Variants in PTPRK observed in about 807,000 individuals in gnomAD.
PTPRK encodes receptor-type tyrosine-protein phosphatase kappa.
A neutral mutation model predicts 178.0 loss-of-function variants in PTPRK; 75 were observed. That is an observed-to-expected ratio of 0.42 (90% CI 0.35 to 0.51). PTPRK has a LOEUF of 0.51. Among genes scored for constraint, PTPRK ranks in the 20% least tolerant of loss-of-function variants. PTPRK has a pLI of 0.02. For synonymous variants in PTPRK, 637 were observed against 620.6 expected, an observed-to-expected ratio of 1.03 and a Z score of -0.39; for missense variants, 1,441 against 1,797.8, an observed-to-expected ratio of 0.80 and a Z score of 3.59.
At chr6:128,226,697 T>G (rs770697212) in intron 5 of PTPRK, among the ~76,000 whole-genome samples, 1 of 149,572 alleles carries the variant, frequency 6.7e-6, no homozygotes, top group Non-Finnish European at 1.5e-5. Flanking sequence ...ACCAATTCCT[T>G]GCAGTAAATC....
At chr6:127,997,278 C>A (rs745330379) in intron 16 of PTPRK, among the ~76,000 whole-genome samples, 2 of 152,030 alleles carry the variant, frequency 1.3e-5, no homozygotes, top group African/African-American at 2.4e-5. Context: ...GTAGAAGTAG[C>A]AAAGTATCAT....
At chr6:128,213,424 G>A (rs1808617804) in intron 6 of PTPRK, among the ~76,000 whole-genome samples, 1 of 151,938 alleles carries the variant, frequency 6.6e-6, no homozygotes, top group African/African-American at 2.4e-5. Flanking sequence ...TAGGGGTTTT[G>A]GGGGGTAAAA....
chr6:128,327,410 A>G (rs888428361), intron 2 of PTPRK, among the ~76,000 whole-genome samples: 3 of 152,168 alleles, frequency 2.0e-5, no homozygotes, highest in Admixed American at 1.3e-4. Flanking sequence ...TTCTTTGCCT[A>G]GTATTCACAA....
intron 13 of PTPRK, among the ~76,000 whole-genome samples, chr6:128,046,324 A>T (rs2114854815): frequency 6.6e-6 from 1 of 152,156 alleles, no homozygotes; most frequent in East Asian, 1.9e-4. Flanking sequence ...GCTCCCTTGC[A>T]GGAGAAAAGA....
chr6:128,387,735 A>C (rs1010391817), intron 2 of PTPRK, among the ~76,000 whole-genome samples: 4 of 152,168 alleles, frequency 2.6e-5, no homozygotes, highest in Non-Finnish European at 5.9e-5. Flanking sequence ...GAAAAATTCT[A>C]GTGAGTAACA....
chr6:128,436,603 T>TA (rs1227895263), intron 1 of PTPRK, among the ~76,000 whole-genome samples: 2 of 152,174 alleles, frequency 1.3e-5, no homozygotes, highest in African/African-American at 4.8e-5. Context: ...GAGTGATTTT[T>TA]TTTTTTATAA....
intron 1 of PTPRK, among the ~76,000 whole-genome samples, chr6:128,428,018 G>A (rs551742711): frequency 4.9e-4 from 75 of 152,136 alleles, no homozygotes; most frequent in Admixed American, 4.6e-3. Context: ...ACTTGAACCC[G>A]GGAGGCGGAG....
chr6:128,197,989 C>T (rs1235468444), intron 6 of PTPRK, among the ~76,000 whole-genome samples: 1 of 152,048 alleles, frequency 6.6e-6, no homozygotes, highest in African/African-American at 2.4e-5. Context: ...GGCATTATCC[C>T]AATTCAAGTG....
At chr6:128,131,978 A>C (rs1029109505) in intron 7 of PTPRK, among the ~76,000 whole-genome samples, 1 of 152,154 alleles carries the variant, frequency 6.6e-6, no homozygotes, top group Non-Finnish European at 1.5e-5. Flanking sequence ...TGATGCACAA[A>C]AACTATGTCT....
In PTPRK at chr6:128,249,417, ATCAAAT is replaced by A. The variant is rs940128011; in HGVS notation, c.496-6821_496-6816del. Among the ~76,000 whole-genome samples, 67 of 152,270 alleles carry A rather than the reference ATCAAAT, an allele frequency of 4.4e-4. 1 individual carries two copies. The highest frequency in any genetic ancestry group is 1.6e-3 in the African/African-American group (65 of 41,562). ...GTATAACAAAAGTTATCACAATGAA[ATCAAAT>A]TTTGATTTCATTTGATGATAAGCAA... On this transcript the variant is annotated intron_variant, in intron 3 of 29. Transcript: ENST00000368226.
intron 2 of PTPRK, among the ~76,000 whole-genome samples, chr6:128,394,613 T>A (rs1234245205): frequency 6.6e-6 from 1 of 152,226 alleles, no homozygotes; most frequent in East Asian, 1.9e-4. Flanking sequence ...AACTGTCTTA[T>A]GAAGTACTCA....
intron 13 of PTPRK, among the ~76,000 whole-genome samples, chr6:128,041,560 T>C (rs1358168951): frequency 6.6e-6 from 1 of 152,018 alleles, no homozygotes; most frequent in Non-Finnish European, 1.5e-5. Flanking sequence ...CATATTACCA[T>C]AATACTGCAA....
At chr6:128,029,742 T>C (rs1774989184) in intron 13 of PTPRK, among the ~76,000 whole-genome samples, 1 of 151,356 alleles carries the variant, frequency 6.6e-6, no homozygotes, top group African/African-American at 2.4e-5. Context: ...ACACACCAAA[T>C]GAAGGCCAAA....
At chr6:128,284,393 T>C (rs1822141610) in intron 3 of PTPRK, among the ~76,000 whole-genome samples, 1 of 152,206 alleles carries the variant, frequency 6.6e-6, no homozygotes, top group African/African-American at 2.4e-5. Flanking sequence ...CCTGGACTAA[T>C]CACATGATAC....
At position 128,184,561 on chromosome 6, in the gene PTPRK, C is replaced by T; in HGVS notation, c.1033G>A (p.Ala345Thr). ...AAATGCCATAATTTGTAAGTTGGAGCATTGACTGCATGGGTTTCTGTCCAG... is the reference window on the plus strand; with the variant it reads ...AAATGCCATAATTTGTAAGTTGGAGTATTGACTGCATGGGTTTCTGTCCAG... ...GSWTETHAVN[A>T]PTYKLWHLDP... The change falls in exon 7 of 30, where the codon GCT (alanine) becomes ACT (threonine). Residue 345 changes from alanine (A) to threonine (T), a missense_variant. Physicochemically the swap from Ala to Thr is moderately conservative, Grantham distance 58. Coordinates refer to ENST00000368226, the MANE Select transcript of PTPRK (RefSeq NM_002844.4). 1 of 1,613,928 alleles carries T rather than the reference C, an allele frequency of 6.2e-7. No individual in the cohort carries two copies. The highest frequency in any genetic ancestry group is 8.5e-7 in the Non-Finnish European group (1 of 1,179,930).
rs563655375 is a variant in PTPRK at position 128,038,814 on chromosome 6, T to C, written c.2194+25944A>G. Among the ~76,000 whole-genome samples, 86 of 152,182 alleles carry C rather than the reference T, an allele frequency of 5.7e-4. 1 individual carries two copies. In the South Asian group the frequency reaches 0.018, roughly 31 times the overall value. ...ACTGCGTTTGTCTCTTCATTCTTCA[T>C]GCAACAATTTTACAACTGTCTCTTC... On this transcript the variant is annotated intron_variant, in intron 13 of 29. Transcript: ENST00000368226.
chr6:128,147,203 T>G (rs1796620477), intron 7 of PTPRK, among the ~76,000 whole-genome samples: 1 of 151,972 alleles, frequency 6.6e-6, no homozygotes, highest in African/African-American at 2.4e-5. Flanking sequence ...GAACAGATAT[T>G]GGAAACATTT....
intron 14 of PTPRK, 85 bp from the exon 15 acceptor site, chr6:128,005,329 C>A (rs1778294792): frequency 2.2e-6 from 3 of 1,344,188 alleles, no homozygotes; most frequent in Non-Finnish European, 3.1e-6. Context: ...CCAGGTGAGC[C>A]CGAGGATAAT....
chr6:128,220,494 G>T (rs530477864), intron 5 of PTPRK, among the ~76,000 whole-genome samples: 1 of 152,198 alleles, frequency 6.6e-6, no homozygotes, highest in East Asian at 1.9e-4. Context: ...CATATTACTT[G>T]AAATATCACT....
Sources: allele counts gnomAD v4.1 joint callset (sites outside exome capture counted in the v4.1 genomes callset), GRCh38; gene constraint gnomAD v4.1.1; transcripts MANE v1.5; gene names NCBI Gene and HGNC (gene_info 2026-07-23, HGNC 2026-07-21).